CCDC141: variants seen among roughly 807,000 people sequenced by gnomAD.
The protein encoded by CCDC141 is coiled-coil domain containing 141, also known as coiled-coil domain-containing protein 141.
In CCDC141, 168 loss-of-function variants were observed where a neutral mutation model predicts 181.0. The observed-to-expected ratio is 0.93, with a 90% confidence interval of 0.82 to 1.05. The LOEUF (loss-of-function observed/expected upper bound fraction) is 1.05. Among genes scored for constraint, CCDC141 ranks in the 50% least tolerant of loss-of-function variants. The pLI is 0.00. For synonymous variants in CCDC141, 666 were observed against 642.3 expected (o/e 1.04, Z -0.56); for missense variants, 1,902 against 1,788.5 (o/e 1.06, Z -1.14).
chr2:178,961,305 G>C lies in CCDC141; in HGVS notation c.705C>G (p.Asp235Glu), dbSNP rs145989244. ...CTTGCCACTGTTGCTTCAAGTACTT[G>C]TCTAGTTGTCTTCTCCTGTCTTGTA... Reference protein sequence around the residue: ...ELLQDRRRQLDKYLKQQWQEL... With the variant: ...ELLQDRRRQLEKYLKQQWQEL... The change falls in exon 5 of 24, where the codon GAC becomes GAG. Residue 235 changes from aspartate (D) to glutamate (E), a missense_variant. By Grantham distance (45) the Asp-to-Glu change is conservative. Transcript: ENST00000443758. 4.5e-5 allele frequency: 70 copies of C among 1,550,516 alleles called. No homozygotes were observed. In the African/African-American group the frequency reaches 7.4e-4, roughly 16 times the overall value.
intron 5 of CCDC141, among the ~76,000 whole-genome samples, chr2:178,957,153 G>T (rs1441852854): frequency 6.6e-6 from 1 of 152,168 alleles, no homozygotes; most frequent in Non-Finnish European, 1.5e-5. Flanking sequence ...GATTACAGTC[G>T]TGAGCCACCG....
At chr2:179,039,296 T>G (rs183412783) in intron 2 of CCDC141, among the ~76,000 whole-genome samples, 32 of 152,296 alleles carry the variant, frequency 2.1e-4, no homozygotes, top group African/African-American at 6.7e-4. Flanking sequence ...TTTTCGGAAT[T>G]TTTTTCTTTA....
chr2:178,815,441 G>A, the CCDC141 span, among the ~76,000 whole-genome samples: 1 of 152,102 alleles, frequency 6.6e-6, no homozygotes, highest in African/African-American at 2.4e-5. Flanking sequence ...GGAAGCTTTA[G>A]CAACAGTTTC....
chr2:179,047,405 C>G lies in CCDC141; in HGVS notation c.104G>C (p.Cys35Ser). Reference sequence around the variant, plus strand: ...CAGTTGAAGTTGTACCCATTTGCCACACTAAAAATAAAAATTAAATAAAAT... The same window carrying G: ...CAGTTGAAGTTGTACCCATTTGCCAGACTAAAAATAAAAATTAAATAAAAT... Reference protein sequence around the residue: ...DSKIVIAVIKCGKWVQLQLAE... With the variant: ...DSKIVIAVIKSGKWVQLQLAE... Residue 35 changes from cysteine (C) to serine (S), a missense_variant and splice_region_variant, in exon 2 of 24, where the codon TGT becomes TCT. Cys to Ser is a moderately radical substitution (Grantham distance 112). Coordinates refer to ENST00000443758, the MANE Select transcript of CCDC141 (RefSeq NM_173648.4). The G allele has an allele frequency of 6.7e-7, 1 of 1,500,654 alleles. No individual in the cohort carries two copies. The highest frequency in any genetic ancestry group is 8.9e-7 in the Non-Finnish European group (1 of 1,129,368). 93.0% of individuals were successfully genotyped at this position (1,500,654 alleles called of 1,614,324 possible). A position where few individuals can be genotyped will look rare whatever the true frequency, so the allele number is the denominator to read the frequency against.
chr2:178,918,167 T>C (rs1332531092), intron 7 of CCDC141, among the ~76,000 whole-genome samples: 2 of 151,816 alleles, frequency 1.3e-5, no homozygotes, highest in African/African-American at 2.4e-5. Context: ...TTCAATATTT[T>C]GGGAGGCCAG....
chr2:178,923,097 T>G (rs909302513), intron 6 of CCDC141, among the ~76,000 whole-genome samples: 1 of 55,886 alleles, frequency 1.8e-5, no homozygotes, highest in African/African-American at 7.3e-5. Context: ...CACCAGTTTA[T>G]TTTTTTTTTT....
chr2:179,019,731 T>G (rs1188531505), intron 2 of CCDC141, among the ~76,000 whole-genome samples: 1 of 152,074 alleles, frequency 6.6e-6, no homozygotes, highest in Non-Finnish European at 1.5e-5. Flanking sequence ...TTTGCGGTGA[T>G]GGTAAGATCA....
At chr2:179,015,296 A>ATCTATATCATATATATCTCT (rs2042445173) in intron 2 of CCDC141, among the ~76,000 whole-genome samples, 1 of 129,008 alleles carries the variant, frequency 7.8e-6, no homozygotes, top group Non-Finnish European at 1.6e-5. Flanking sequence ...CATATATCTC[A>ATCTATATCATATATATCTCT]TATATGTATC....
intron 8 of CCDC141, among the ~76,000 whole-genome samples, chr2:178,889,595 C>A (rs1256140957): frequency 6.6e-6 from 1 of 152,088 alleles, no homozygotes; most frequent in African/African-American, 2.4e-5. Context: ...TAATTTATGA[C>A]TCTGTAAAAA....
intron 11 of CCDC141, among the ~76,000 whole-genome samples, chr2:178,884,066 T>A (rs1395191640): frequency 6.6e-6 from 1 of 152,210 alleles, no homozygotes; most frequent in Non-Finnish European, 1.5e-5. Context: ...GAAATAATTT[T>A]GTTGTATGTT....
At chr2:178,967,323 G>A (rs1482152523) in intron 4 of CCDC141, among the ~76,000 whole-genome samples, 2 of 152,090 alleles carry the variant, frequency 1.3e-5, no homozygotes, top group Non-Finnish European at 2.9e-5. Context: ...AAGTTGAAAC[G>A]AAGGAAAAAA....
Position 178,905,489 on chromosome 2 carries a change from G to A in CCDC141, c.1105C>T (p.Leu369Phe). 1 of 1,545,592 alleles carries A rather than the reference G, an allele frequency of 6.5e-7. No homozygotes were observed. Among genetic ancestry groups the A allele is most frequent in the Non-Finnish European group, 8.7e-7 (1 of 1,145,608 alleles). Reference protein sequence around the residue: ...FNSANKAFDVLGRVEAYLKLL... With the variant: ...FNSANKAFDVFGRVEAYLKLL... ...TTAAGGTAAGCTTCAACTCTTCCAA[G>A]TACATCAAATGCCTGCCAAAGAAAA... The change falls in exon 8 of 24, where the codon CTT becomes TTT. Residue 369 changes from leucine to phenylalanine, a missense_variant. By Grantham distance (22) the Leu-to-Phe change is conservative. Coordinates refer to ENST00000443758, the MANE Select transcript of CCDC141 (RefSeq NM_173648.4).
At chr2:178,828,323 T>A (rs574045817), downstream of CCDC141, among the ~76,000 whole-genome samples, 62 of 152,266 alleles carry the variant, frequency 4.1e-4, 2 homozygotes, top group Non-Finnish European at 2.2e-4. Flanking sequence ...GTTTATCCCT[T>A]CCAGTTTTAC....
chr2:178,841,210 T>C (rs1189928589), intron 22 of CCDC141, among the ~76,000 whole-genome samples: 2 of 152,234 alleles, frequency 1.3e-5, no homozygotes, highest in Non-Finnish European at 2.9e-5. Context: ...AGACAGATTG[T>C]CTCCAAAGTT....
At chr2:178,924,997 C>G (rs565678410) in intron 6 of CCDC141, among the ~76,000 whole-genome samples, 1 of 152,270 alleles carries the variant, frequency 6.6e-6, no homozygotes, top group Admixed American at 6.5e-5. Flanking sequence ...ACAGTCACCA[C>G]CAGTTGGTAC....
chr2:178,896,586 A>T (rs1482970191), intron 8 of CCDC141, among the ~76,000 whole-genome samples: 2 of 152,212 alleles, frequency 1.3e-5, no homozygotes, highest in African/African-American at 4.8e-5. Context: ...GTGCACTAAA[A>T]TATATATTTT....
At position 178,834,371 on chromosome 2, in the gene CCDC141, C is replaced by A; in HGVS notation, c.4395G>T (p.Ser1465=). 1 of 1,536,314 alleles carries A rather than the reference C, an allele frequency of 6.5e-7. No homozygotes were observed. The change falls in exon 24 of 24, where the codon TCG becomes TCT. Residue 1465 remains serine (S), a synonymous_variant. Transcript: ENST00000443758. ...CCTTGCATACCTTTGGAATGAACAC[C>A]GAATGCCTTGTCTCCTTGTGTAAAA... is the stretch of plus-strand genomic sequence containing the variant. The part of the protein sequence containing the change: ...LQVLHKETRH[S]VFIPKVCKAD...
intron 8 of CCDC141, among the ~76,000 whole-genome samples, chr2:178,890,159 G>A (rs1687078052): frequency 1.3e-5 from 2 of 152,116 alleles, no homozygotes; most frequent in African/African-American, 4.8e-5. Flanking sequence ...AAGGAAATGG[G>A]CAAACACGTA....
In CCDC141 at chr2:178,855,468, A is replaced by T. The variant is rs1289847190; in HGVS notation, c.2939T>A (p.Val980Asp). The change falls in exon 19 of 24, where the codon GTT becomes GAT. Residue 980 changes from valine (V) to aspartate (D), a missense_variant. By Grantham distance (152) the Val-to-Asp change is radical. Transcript: ENST00000443758. ...DSFLNYPSDK[V>D]NVLLEVMKDL... ...CTTCATGACTTCCAAAAGGACATTA[A>T]CTTTATCACTTGGATAATTTAAGAA... The T allele has an allele frequency of 6.2e-7, 1 of 1,610,684 alleles. No individual in the cohort carries two copies. The highest frequency in any genetic ancestry group is 1.3e-5 in the African/African-American group (1 of 74,824).
Sources: gnomAD v4.1 joint callset for allele counts (sites outside exome capture counted in the v4.1 genomes callset) on GRCh38, gnomAD v4.1.1 for gene constraint, MANE v1.5 for transcripts, NCBI Gene and HGNC (gene_info 2026-07-23, HGNC 2026-07-21) for gene names.